PRKN: variants seen among roughly 807,000 people sequenced by gnomAD.
The protein encoded by PRKN is E3 ubiquitin-protein ligase parkin.
Under a neutral mutation model 59.5 loss-of-function variants are expected in PRKN, and 56 were observed. The observed-to-expected ratio is 0.94, with a 90% CI of 0.76 to 1.18. PRKN has a LOEUF of 1.18. PRKN is among the 50% of genes most tolerant of loss of function. The pLI is 0.00. For missense variants in PRKN, 657 were observed against 596.4 expected (o/e 1.10, Z -1.06); for synonymous variants, 250 against 222.1 (o/e 1.13, Z -1.12).
chr6:162,408,067 C>A (rs1194242971), intron 2 of PRKN, among the ~76,000 whole-genome samples: 2 of 152,048 alleles, frequency 1.3e-5, no homozygotes, highest in Non-Finnish European at 1.5e-5. Context: ...TTCAGCATTT[C>A]TTTTTCATCT....
chr6:162,657,086 T>C (rs1778671964), intron 1 of PRKN, among the ~76,000 whole-genome samples: 1 of 152,226 alleles, frequency 6.6e-6, no homozygotes, highest in South Asian at 2.1e-4. Context: ...CTTGTTCATA[T>C]TATATGAACA....
chr6:161,523,294 C>T (rs2115364183), intron 9 of PRKN, among the ~76,000 whole-genome samples: 1 of 152,246 alleles, frequency 6.6e-6, no homozygotes, highest in African/African-American at 2.4e-5. Flanking sequence ...TTGGCAATAT[C>T]TACTGATACA....
At chr6:162,201,003 C>G in intron 4 of PRKN, 128 bp downstream of exon 4, 1 of 1,078,348 alleles carries the variant, frequency 9.3e-7, no homozygotes, top group Non-Finnish European at 1.4e-6. Flanking sequence ...CATTAACTAT[C>G]ACAACCACAG....
intron 7 of PRKN, among the ~76,000 whole-genome samples, chr6:161,693,412 C>T (rs750151491): frequency 7.9e-5 from 12 of 152,150 alleles, no homozygotes; most frequent in Non-Finnish European, 1.6e-4. Flanking sequence ...TGGTTGACTA[C>T]AGGTGGACCA....
At chr6:162,350,209 C>G (rs1184588132) in intron 2 of PRKN, among the ~76,000 whole-genome samples, 2 of 152,002 alleles carry the variant, frequency 1.3e-5, no homozygotes, top group Admixed American at 6.5e-5. Context: ...AAAGTAGCCT[C>G]AAGTAAATGA....
intron 2 of PRKN, among the ~76,000 whole-genome samples, chr6:162,387,690 A>G (rs1224030734): frequency 6.6e-6 from 1 of 152,154 alleles, no homozygotes; most frequent in East Asian, 1.9e-4. Flanking sequence ...AAGACTTAAA[A>G]GTGGAATCAA....
chr6:162,451,495 C>T (rs1039807254), intron 1 of PRKN, among the ~76,000 whole-genome samples: 3 of 151,626 alleles, frequency 2.0e-5, no homozygotes, highest in Non-Finnish European at 2.9e-5. Flanking sequence ...GAGGCCCACA[C>T]GGGCAGATCA....
At chr6:162,589,919 C>T (rs1781232711) in intron 1 of PRKN, among the ~76,000 whole-genome samples, 1 of 152,160 alleles carries the variant, frequency 6.6e-6, no homozygotes, top group Non-Finnish European at 1.5e-5. Flanking sequence ...ATTGTGCACA[C>T]AGTAGGCATT....
In PRKN at chr6:161,582,490, G is replaced by T. The variant is rs890610134; in HGVS notation, c.872-13074C>A. Among the ~76,000 whole-genome samples the T allele has an allele frequency of 6.6e-6, 1 of 151,616 alleles. No homozygotes were observed. The highest frequency in any genetic ancestry group is 1.5e-5 in the Non-Finnish European group (1 of 67,964). On this transcript the variant is annotated intron_variant, in intron 7 of 11. Coordinates refer to ENST00000366898, the MANE Select transcript of PRKN (RefSeq NM_004562.3). This position sits in a 1 kb window ranked among gnomAD's most constrained non-coding sequence, Gnocchi z 4.4. ...CGCCTAGGCTGGAGTGCAGTGGCGC[G>T]ATCTAGGCTCACTGCAAGCTCCGCC...
At chr6:161,830,945 TC>T (rs1380028065) in intron 6 of PRKN, among the ~76,000 whole-genome samples, 2 of 152,072 alleles carry the variant, frequency 1.3e-5, no homozygotes, top group Admixed American at 6.6e-5. Flanking sequence ...ATGACCCTGC[TC>T]CCCAACCACA....
chr6:162,616,242 T>C (rs1013945487), intron 1 of PRKN, among the ~76,000 whole-genome samples: 8 of 152,274 alleles, frequency 5.3e-5, no homozygotes, highest in Admixed American at 2.0e-4. Flanking sequence ...TAGTAGTTCA[T>C]GGTAGAGTAT....
intron 6 of PRKN, among the ~76,000 whole-genome samples, chr6:161,936,166 G>C (rs79555998): frequency 6.6e-6 from 1 of 151,630 alleles, no homozygotes; most frequent in African/African-American, 2.4e-5. Context: ...GGAAGTGGTC[G>C]TCAGGCAAAG....
chr6:162,585,989 G>C (rs565941789), intron 1 of PRKN, among the ~76,000 whole-genome samples: 13 of 152,254 alleles, frequency 8.5e-5, no homozygotes, highest in African/African-American at 3.1e-4. Flanking sequence ...ACAGGCATGA[G>C]CCACCACGCC....
In PRKN at chr6:162,181,985, C is replaced by T. The variant is rs1483047350; in HGVS notation, c.534+19146G>A. Among the ~76,000 whole-genome samples the T allele has an allele frequency of 2.0e-5, 3 of 152,136 alleles. No homozygotes were observed. The East Asian group carries it at 5.8e-4, about 29-fold the overall frequency. ...CAGATATTGTACTGACTCATTATCCCAGAATACGTACAAACATTCTCAGTG... is the reference window on the plus strand; with the variant it reads ...CAGATATTGTACTGACTCATTATCCTAGAATACGTACAAACATTCTCAGTG... On this transcript the variant is annotated intron_variant, in intron 4 of 11. Transcript: ENST00000366898.
In PRKN at chr6:161,372,659, C is replaced by A. The variant is rs1250782247; in HGVS notation, c.1168-12454G>T. Among the ~76,000 whole-genome samples, 1 of 152,044 alleles carries A rather than the reference C, an allele frequency of 6.6e-6. No homozygotes were observed. The highest frequency in any genetic ancestry group is 1.9e-4 in the East Asian group (1 of 5,190). ...CGGAAGCGCTTGTGCTGTGGCTCCCCCACTACCCCTCTGGGTCTGAATCCA... is the reference window on the plus strand; with the variant it reads ...CGGAAGCGCTTGTGCTGTGGCTCCCACACTACCCCTCTGGGTCTGAATCCA... On this transcript the variant is annotated intron_variant, in intron 10 of 11. Transcript: ENST00000366898. The surrounding 1 kb of genome is among the most constrained non-coding windows in gnomAD (Gnocchi z 4.2).
chr6:161,781,203 T>C (rs1790190904), intron 7 of PRKN, among the ~76,000 whole-genome samples: 2 of 152,204 alleles, frequency 1.3e-5, no homozygotes, highest in Admixed American at 1.3e-4. Flanking sequence ...CTTGTAGTTA[T>C]TAAACATTAA....
At chr6:162,079,793 A>G (rs986426242) in intron 4 of PRKN, among the ~76,000 whole-genome samples, 2 of 152,138 alleles carry the variant, frequency 1.3e-5, no homozygotes, top group African/African-American at 4.8e-5. Context: ...CTCTGCTTAG[A>G]AAATTTTTTT....
intron 7 of PRKN, among the ~76,000 whole-genome samples, chr6:161,752,055 G>C (rs147141346): frequency 3.4e-4 from 52 of 152,320 alleles, no homozygotes; most frequent in Non-Finnish European, 6.9e-4. Flanking sequence ...ATATTATGAA[G>C]AATTTGTATT....
At chr6:161,707,131 C>A (rs1034416050) in intron 7 of PRKN, among the ~76,000 whole-genome samples, 1 of 151,974 alleles carries the variant, frequency 6.6e-6, no homozygotes, top group African/African-American at 2.4e-5. Context: ...ATATTGACTT[C>A]AACATTATAG....
Sources: allele counts gnomAD v4.1 joint callset (sites outside exome capture counted in the v4.1 genomes callset), GRCh38; gene constraint gnomAD v4.1.1; non-coding constraint Gnocchi (gnomAD v3.1); transcripts MANE v1.5; gene names NCBI Gene and HGNC (gene_info 2026-07-23, HGNC 2026-07-21).